Variants in RGS6 observed in about 807,000 individuals in gnomAD.
RGS6 encodes the protein regulator of G protein signaling 6.
In RGS6, 30 loss-of-function variants were observed where a neutral mutation model predicts 78.5. The ratio of observed to expected loss-of-function variants is 0.38; its 90% CI spans 0.29 to 0.52. RGS6 has a LOEUF of 0.52. Ranked by LOEUF, RGS6 falls within the 20% of genes least tolerant of loss-of-function variation. The pLI, the probability that RGS6 is intolerant of heterozygous loss-of-function variation, is 0.85. For missense variants in RGS6, 495 were observed against 609.7 expected (o/e 0.81, Z 1.98); for synonymous variants, 206 against 206.0 (o/e 1.00, Z 0.00).
chr14:72,279,043 T>C lies in RGS6; in HGVS notation c.85-73052T>C, dbSNP rs550923226. ...ATTGAGACCCTACCTTATCATCGCT[T>C]AACCTTAATTACTTCTGTAAAGGGC... On this transcript the variant is annotated intron_variant, in intron 2 of 17. Coordinates refer to ENST00000553525, the MANE Select transcript of RGS6 (RefSeq NM_001204424.2). Among the ~76,000 whole-genome samples, 3 of 152,232 alleles carry C rather than the reference T, an allele frequency of 2.0e-5. No homozygotes were observed. In the East Asian group the frequency reaches 5.8e-4, roughly 29 times the overall value.
intron 3 of RGS6, among the ~76,000 whole-genome samples, chr14:72,371,291 C>G (rs911759682): frequency 2.6e-5 from 4 of 152,180 alleles, no homozygotes; most frequent in East Asian, 1.9e-4. Context: ...TAAAATCTTA[C>G]TCTAAATGTC....
chr14:72,545,183 T>C (rs980268919), intron 17 of RGS6, among the ~76,000 whole-genome samples: 1 of 152,284 alleles, frequency 6.6e-6, no homozygotes, highest in Non-Finnish European at 1.5e-5. Context: ...AAACAGTCCT[T>C]GGACTCCTTT....
chr14:72,602,455 G>A, the RGS6 span, among the ~76,000 whole-genome samples: 7 of 152,154 alleles, frequency 4.6e-5, no homozygotes, highest in Non-Finnish European at 1.0e-4. Flanking sequence ...TGAGGCTCAT[G>A]GAGGTTATGT....
chr14:71,984,633 A>G (rs1323566063), intron 2 of RGS6, among the ~76,000 whole-genome samples: 1 of 152,190 alleles, frequency 6.6e-6, no homozygotes, highest in Non-Finnish European at 1.5e-5. Context: ...GAGCTACGTG[A>G]ACCAAGGCAA....
chr14:72,257,433 CTT>C (rs2057304526), intron 2 of RGS6, among the ~76,000 whole-genome samples: 1 of 152,124 alleles, frequency 6.6e-6, no homozygotes. Flanking sequence ...GTCTAGGAGT[CTT>C]TTGCAGGAAT....
intron 2 of RGS6, among the ~76,000 whole-genome samples, chr14:72,179,185 G>C (rs980372262): frequency 6.6e-6 from 1 of 152,194 alleles, no homozygotes; most frequent in African/African-American, 2.4e-5. Flanking sequence ...TGTGAGCAAA[G>C]GTCTTTTTCT....
intron 2 of RGS6, among the ~76,000 whole-genome samples, chr14:72,056,185 G>GT (rs2093609204): frequency 6.6e-6 from 1 of 152,180 alleles, no homozygotes; most frequent in South Asian, 2.1e-4. Flanking sequence ...CTCATTTACA[G>GT]ATGGGGGGAT....
intron 2 of RGS6, among the ~76,000 whole-genome samples, chr14:72,331,003 A>G (rs1296693991): frequency 6.6e-6 from 1 of 152,192 alleles, no homozygotes; most frequent in Non-Finnish European, 1.5e-5. Flanking sequence ...TAGACAGAGC[A>G]TCTGGCCCAG....
chr14:71,981,623 TGAG>T (rs1339656684), intron 2 of RGS6, among the ~76,000 whole-genome samples: 4 of 151,906 alleles, frequency 2.6e-5, no homozygotes, highest in Non-Finnish European at 5.9e-5. Context: ...GGGACCTACT[TGAG>T]GAGGCAGTCT....
intron 2 of RGS6, among the ~76,000 whole-genome samples, chr14:72,230,832 C>T (rs2049374096): frequency 6.6e-6 from 1 of 152,148 alleles, no homozygotes; most frequent in African/African-American, 2.4e-5. Flanking sequence ...ATTGTAGCTG[C>T]TAACCACATC....
chr14:72,562,668 T>C lies in RGS6; in HGVS notation c.*201T>C. 6.5e-7 allele frequency: 1 copy of C among 1,536,152 alleles called. No homozygotes were observed. Among genetic ancestry groups the C allele is most frequent in the South Asian group, 1.2e-5 (1 of 84,052 alleles). On this transcript the variant is annotated 3_prime_UTR_variant, in exon 18 of 18. Transcript: ENST00000553525. ...AAGAAAGAGTCCACAGAGCCTGGGCTGGGCCCGGTGGAGGCTCCTGTTTAC... is the reference window on the plus strand; with the variant it reads ...AAGAAAGAGTCCACAGAGCCTGGGCCGGGCCCGGTGGAGGCTCCTGTTTAC...
chr14:72,568,391 G>C (rs1424120458), downstream of RGS6, among the ~76,000 whole-genome samples: 1 of 152,224 alleles, frequency 6.6e-6, no homozygotes, highest in African/African-American at 2.4e-5. Flanking sequence ...GGTGAAGGGA[G>C]GGTATGTTTG....
At chr14:71,999,139 C>A (rs146235550) in intron 2 of RGS6, among the ~76,000 whole-genome samples, 1 of 152,180 alleles carries the variant, frequency 6.6e-6, no homozygotes. Context: ...AGTTTATTGA[C>A]CTCTGAGGTA....
chr14:72,485,725 G>A (rs570057076), intron 12 of RGS6, among the ~76,000 whole-genome samples: 1 of 152,270 alleles, frequency 6.6e-6, no homozygotes, highest in South Asian at 2.1e-4. Context: ...ATACAAGAAG[G>A]GGCTGTGGAA....
rs370379078 is a variant in RGS6, at chr14:72,409,206, T to C, written c.185-45322T>C. Reference sequence around the variant, plus strand: ...AAGAAAAACACTGGACACAATACTTTTAACAGAGTTTATGTGAGCATTAGA... The same window carrying C: ...AAGAAAAACACTGGACACAATACTTCTAACAGAGTTTATGTGAGCATTAGA... On this transcript the variant is annotated intron_variant, in intron 3 of 17. Coordinates refer to ENST00000553525, the MANE Select transcript of RGS6 (RefSeq NM_001204424.2). Among the ~76,000 whole-genome samples, 4 of 152,318 alleles carry C rather than the reference T, an allele frequency of 2.6e-5. No individual in the cohort carries two copies. In the East Asian group the frequency reaches 5.8e-4, roughly 22 times the overall value.
rs560940610 is a variant in RGS6, at chr14:71,932,856, G to C, written c.-106G>C. 6.6e-6 allele frequency: 1 copy of C among 152,442 alleles called. No individual in the cohort carries two copies. Among genetic ancestry groups the C allele is most frequent in the South Asian group, 2.1e-4 (1 of 4,828 alleles). The allele number at this position is 152,442 out of a possible 1,614,324, so 9.4% of individuals were successfully genotyped here. ...GTCCCCGGTTCCCTGGGCTTCTCCA[G>C]CTTTATCATGAACCTGGCGCAAGGT... is the stretch of plus-strand genomic sequence containing the variant. On this transcript the variant is annotated 5_prime_UTR_variant, in exon 1 of 18. Transcript: ENST00000553525.
chr14:71,883,101 A>G, the RGS6 span, among the ~76,000 whole-genome samples: 1 of 152,248 alleles, frequency 6.6e-6, no homozygotes, highest in Non-Finnish European at 1.5e-5. Context: ...AACTCTGAAA[A>G]AGGAATTTCA....
chr14:71,987,740 TGAACTCCTGGGCTC>T (rs1179507439), intron 2 of RGS6, among the ~76,000 whole-genome samples: 1 of 152,136 alleles, frequency 6.6e-6, no homozygotes, highest in Non-Finnish European at 1.5e-5. Context: ...AGGCTGGGCT[TGAACTCCTGGGCTC>T]AAGTATATCC....
intron 3 of RGS6, among the ~76,000 whole-genome samples, chr14:72,394,862 A>C (rs1566720608): frequency 6.6e-6 from 1 of 152,232 alleles, no homozygotes; most frequent in African/African-American, 2.4e-5. Context: ...AGTGTCCATG[A>C]AATCTTCACA....
Sources: gnomAD v4.1 joint callset for allele counts (sites outside exome capture counted in the v4.1 genomes callset) on GRCh38, gnomAD v4.1.1 for gene constraint, MANE v1.5 for transcripts, NCBI Gene and HGNC (gene_info 2026-07-23, HGNC 2026-07-21) for gene names.